The following ABLIM3 variants were observed in gnomAD, a reference collection of about 807,000 sequenced individuals.
ABLIM3 encodes actin-binding LIM protein 3.
In ABLIM3, 61 loss-of-function variants were observed where a neutral mutation model predicts 109.5. The observed-to-expected ratio is 0.56, with a 90% CI of 0.45 to 0.69. The LOEUF (loss-of-function observed/expected upper bound fraction) is 0.69, where lower values mean the gene tolerates loss of function less well. ABLIM3 is among the 30% of genes least tolerant of loss of function. The pLI is 0.00. For missense variants in ABLIM3, 796 were observed against 889.5 expected, an observed-to-expected ratio of 0.89 and a Z score of 1.34; for synonymous variants, 300 against 324.8, an observed-to-expected ratio of 0.92 and a Z score of 0.82.
intron 13 of ABLIM3, 200 bp from the exon 14 acceptor site, chr5:149,240,476 C>CA (rs578151775): frequency 5.1e-6 from 3 of 590,864 alleles, no homozygotes; most frequent in Non-Finnish European, 9.1e-6. Flanking sequence ...AGCCAGGAAG[C>CA]AAAGTCAAGC....
At chr5:149,246,392 A>G (rs1438322816) in intron 16 of ABLIM3, 90 bp from the exon 17 acceptor site, 1 of 1,231,468 alleles carries the variant, frequency 8.1e-7, no homozygotes, top group Non-Finnish European at 1.1e-6. Flanking sequence ...AAAGAAAGAA[A>G]AGTGGCTTTT....
Position 149,259,665 on chromosome 5 carries a change from G to GAGGC in ABLIM3, c.*1261_*1262insAGGC. On this transcript the variant is annotated 3_prime_UTR_variant, in exon 24 of 24. Transcript: ENST00000309868. ...CTTCCTGCTCGCCTCCCTGAACAGG[G>GAGGC]GAGAAAGCTTAACCTCTCTTCTCCT... The GAGGC allele has an allele frequency of 2.1e-6, 3 of 1,397,624 alleles. No individual in the cohort carries two copies. Among genetic ancestry groups the GAGGC allele is most frequent in the Non-Finnish European group, 2.9e-6 (3 of 1,021,004 alleles). 86.6% of individuals were successfully genotyped at this position (1,397,624 alleles called of 1,614,324 possible). A position where few individuals can be genotyped will look rare whatever the true frequency, so the allele number is the denominator to read the frequency against.
intron 5 of ABLIM3, among the ~76,000 whole-genome samples, chr5:149,201,052 G>C (rs1242153985): frequency 6.6e-6 from 1 of 152,174 alleles, no homozygotes; most frequent in Non-Finnish European, 1.5e-5. Flanking sequence ...GGCAGCATCT[G>C]TCATGCCATG....
chr5:149,224,867 C>T (rs1477435992), intron 8 of ABLIM3, among the ~76,000 whole-genome samples: 1 of 152,212 alleles, frequency 6.6e-6, no homozygotes. Context: ...AGGCAACTGA[C>T]TTGCTCTAGA....
intron 2 of ABLIM3, among the ~76,000 whole-genome samples, chr5:149,168,697 G>A (rs930818031): frequency 6.6e-6 from 1 of 152,152 alleles, no homozygotes; most frequent in African/African-American, 2.4e-5. Context: ...GTGAAAGTTG[G>A]CAAACACATC....
intron 10 of ABLIM3, among the ~76,000 whole-genome samples, chr5:149,234,153 A>G (rs1463333337): frequency 1.3e-5 from 2 of 152,240 alleles, no homozygotes; most frequent in African/African-American, 2.4e-5. Context: ...GATACTACAG[A>G]TAAACAGAGG....
intron 9 of ABLIM3, among the ~76,000 whole-genome samples, chr5:149,232,293 G>A (rs1002860582): frequency 3.3e-5 from 5 of 152,172 alleles, no homozygotes; most frequent in Admixed American, 1.3e-4. Context: ...ATGACAGAGC[G>A]AGACTCTGTC....
chr5:149,150,552 T>C (rs941917614), intron 2 of ABLIM3, among the ~76,000 whole-genome samples: 1 of 152,208 alleles, frequency 6.6e-6, no homozygotes, highest in Non-Finnish European at 1.5e-5. Flanking sequence ...CAAGAGCACT[T>C]GGATTGCGTA....
chr5:149,241,991 C>A (rs1204870663), intron 14 of ABLIM3, among the ~76,000 whole-genome samples: 1 of 152,208 alleles, frequency 6.6e-6, no homozygotes, highest in East Asian at 1.9e-4. Flanking sequence ...TCACTCCCCA[C>A]TCACGTTCCC....
intron 7 of ABLIM3, among the ~76,000 whole-genome samples, chr5:149,212,464 A>G (rs1047039750): frequency 6.6e-6 from 1 of 152,148 alleles, no homozygotes; most frequent in African/African-American, 2.4e-5. Flanking sequence ...GTGATAATGT[A>G]CACAGGCTAC....
intron 15 of ABLIM3, chr5:149,244,571 C>A (rs1753168546): frequency 2.6e-6 from 1 of 380,544 alleles, no homozygotes; most frequent in Admixed American, 3.5e-5. Context: ...TGGAACAGAC[C>A]TGGGAATCCA....
At chr5:149,245,331 A>C (rs892661891) in intron 16 of ABLIM3, among the ~76,000 whole-genome samples, 1 of 152,204 alleles carries the variant, frequency 6.6e-6, no homozygotes, top group African/African-American at 2.4e-5. Flanking sequence ...TGAAGATGAC[A>C]AAAGTTTCTC....
In ABLIM3 at chr5:149,245,447, G is replaced by C. The variant is rs150292396; in HGVS notation, c.1486+432G>C. Among the ~76,000 whole-genome samples, 435 of 152,324 alleles carry C rather than the reference G, an allele frequency of 2.9e-3. 2 individuals are homozygous for C. Among genetic ancestry groups the C allele is most frequent in the African/African-American group, 9.6e-3 (399 of 41,570 alleles). On this transcript the variant is annotated intron_variant, in intron 16 of 23. Coordinates refer to ENST00000309868, the MANE Select transcript of ABLIM3 (RefSeq NM_014945.5). ...CAGGATGTGAGAGAGGATTCCACTG[G>C]AGGAAAGAAAAGGCTGTCCACTTAA...
Position 149,207,306 on chromosome 5 carries a change from CG to C in ABLIM3, c.575+179del, listed in dbSNP as rs934141272. On this transcript the variant is annotated intron_variant, in intron 6 of 23. Coordinates refer to ENST00000309868, the MANE Select transcript of ABLIM3 (RefSeq NM_014945.5). The stretch of plus-strand genomic sequence containing the variant: ...GCCTCTTTCCCCCGTTGGACCCTCC[CG>C]GGGGGGTTTCCCTCTGCCTGAGACA... Among the ~76,000 whole-genome samples, 7 of 152,040 alleles carry C rather than the reference CG, an allele frequency of 4.6e-5. No homozygotes were observed. The East Asian group carries it at 1.2e-3, about 25-fold the overall frequency.
At chr5:149,179,010 G>A (rs1756224682) in intron 2 of ABLIM3, among the ~76,000 whole-genome samples, 1 of 152,118 alleles carries the variant, frequency 6.6e-6, no homozygotes, top group South Asian at 2.1e-4. Flanking sequence ...ATGAGAGAGG[G>A]AGGAAAAGTC....
intron 2 of ABLIM3, among the ~76,000 whole-genome samples, chr5:149,142,495 G>A (rs1243588198): frequency 1.3e-5 from 2 of 152,272 alleles, no homozygotes; most frequent in East Asian, 3.9e-4. Context: ...GAAGAGCAGG[G>A]AGGCTGGCCT....
Position 149,244,949 on chromosome 5 carries a change from A to G in ABLIM3, c.1420A>G (p.Ile474Val), listed in dbSNP as rs756456127. Reference sequence around the variant, plus strand: ...CAGCCAGACCTCCAAGTACAGTCCCATCTACTCGCCAGACCCCTACTATGC... The same window carrying G: ...CAGCCAGACCTCCAAGTACAGTCCCGTCTACTCGCCAGACCCCTACTATGC... Reference protein sequence around the residue: ...DISQTSKYSPIYSPDPYYASE... With the variant: ...DISQTSKYSPVYSPDPYYASE... The change falls in exon 16 of 24, where the codon ATC becomes GTC. Residue 474 changes from isoleucine (I) to valine (V), a missense_variant. Physicochemically the swap from Ile to Val is conservative, Grantham distance 29. Transcript: ENST00000309868. 11 of 1,614,046 alleles carry G rather than the reference A, an allele frequency of 6.8e-6. No homozygotes were observed. The Admixed American group carries it at 1.8e-4, about 27-fold the overall frequency.
chr5:149,246,664 A>T, intron 17 of ABLIM3, 118 bp downstream of exon 17: 1 of 1,063,526 alleles, frequency 9.4e-7, no homozygotes, highest in Admixed American at 3.2e-5. Context: ...AAAGAAAAGC[A>T]TAGCTTTGCA....
At chr5:149,237,691 G>A in intron 11 of ABLIM3, 88 bp downstream of exon 11, 1 of 1,543,074 alleles carries the variant, frequency 6.5e-7, no homozygotes, top group Admixed American at 1.9e-5. Flanking sequence ...AGACAGTTTG[G>A]CCTCCACAAT....
Sources: gnomAD v4.1 joint callset for allele counts (sites outside exome capture counted in the v4.1 genomes callset) on GRCh38, gnomAD v4.1.1 for gene constraint, MANE v1.5 for transcripts, NCBI Gene and HGNC (gene_info 2026-07-23, HGNC 2026-07-21) for gene names.